The following PPL variants were observed in gnomAD, a reference collection of about 807,000 sequenced individuals.
The protein encoded by PPL is periplakin.
PPL carries 198 observed loss-of-function variants against 194.4 expected under a neutral mutation model. That is an observed-to-expected ratio of 1.02 (90% CI 0.91 to 1.15). The LOEUF is 1.15. Ranked by LOEUF, PPL falls within the 50% of genes most tolerant of loss-of-function variation. The probability of loss-of-function intolerance (pLI) is 0.00; values close to 1 mark genes in which losing one functional copy is unlikely to be tolerated. For synonymous variants in PPL, 1,220 were observed against 972.4 expected, an observed-to-expected ratio of 1.25 and a Z score of -4.74; for missense variants, 2,885 against 2,294.8, an observed-to-expected ratio of 1.26 and a Z score of -5.25.
chr16:4,905,698 T>C (rs1200849109), intron 2 of PPL, among the ~76,000 whole-genome samples: 1 of 152,238 alleles, frequency 6.6e-6, no homozygotes, highest in African/African-American at 2.4e-5. Flanking sequence ...ACTTGGCTTC[T>C]TCTTGGAGGA....
intron 1 of PPL, among the ~76,000 whole-genome samples, chr16:4,920,217 G>A (rs1161395440): frequency 6.6e-6 from 1 of 151,394 alleles, no homozygotes; most frequent in Non-Finnish European, 1.5e-5. Context: ...CTGGGAGGTG[G>A]AGGTTGCAGT....
At chr16:4,909,032 T>C (rs1038138968) in intron 2 of PPL, among the ~76,000 whole-genome samples, 2 of 152,002 alleles carry the variant, frequency 1.3e-5, no homozygotes, top group Non-Finnish European at 2.9e-5. Context: ...CAAGGGGAGC[T>C]GATGGGAGGG....
In PPL at chr16:4,884,471, C is replaced by T. The variant is rs137891956; in HGVS notation, c.4184G>A (p.Arg1395Gln). 131 of 1,602,816 alleles carry T rather than the reference C, an allele frequency of 8.2e-5. No homozygotes were observed. Among genetic ancestry groups the T allele is most frequent in the African/African-American group, 1.1e-4 (8 of 74,504 alleles). Residue 1395 changes from arginine (R) to glutamine (Q), a missense_variant, in exon 22 of 22, where the codon CGG becomes CAG. Physicochemically the swap from Arg to Gln is conservative, Grantham distance 43 (BLOSUM62 1). Transcript: ENST00000345988. This position sits in a 1 kb window ranked among gnomAD's most constrained non-coding sequence, Gnocchi z 5.7. ...CAGCTGCCGCTCAAGCTCGGTGCGC[C>T]GGCGCTGCAGCCGCCGCAGCTCTGC... The part of the protein sequence containing the change: ...LRAELRRLQR[R>Q]RTELERQLEE...
chr16:4,893,108 C>T (rs982077337), intron 14 of PPL, 105 bp downstream of exon 14: 1 of 1,344,120 alleles, frequency 7.4e-7, no homozygotes, highest in Non-Finnish European at 9.8e-7. Flanking sequence ...CAGACAGCTG[C>T]AGTGAATATC....
intron 1 of PPL, among the ~76,000 whole-genome samples, chr16:4,918,233 C>T (rs1019461087): frequency 2.0e-5 from 3 of 149,316 alleles, no homozygotes; most frequent in Admixed American, 1.3e-4. Flanking sequence ...GTGGAGGTTG[C>T]AGTGAGCCGA....
intron 1 of PPL, among the ~76,000 whole-genome samples, chr16:4,928,404 C>G (rs1010110296): frequency 6.6e-6 from 1 of 152,226 alleles, no homozygotes; most frequent in Admixed American, 6.5e-5. Context: ...TTTGAGAGGG[C>G]TGGCAGGGTG....
chr16:4,883,463 G>C lies in PPL; in HGVS notation c.5192C>G (p.Thr1731Ser). 1.9e-6 allele frequency: 3 copies of C among 1,614,152 alleles called. No homozygotes were observed. The highest frequency in any genetic ancestry group is 2.5e-6 in the Non-Finnish European group (3 of 1,180,030). The change falls in exon 22 of 22, where the codon ACC (threonine) becomes AGC (serine). Residue 1731 changes from threonine to serine, a missense_variant. Transcript: ENST00000345988. The surrounding 1 kb of genome is among the most constrained non-coding windows in gnomAD (Gnocchi z 4.8). ...GACATAGCGGTCATACTGAGCAGGG[G>C]TCAGCCTGCCACTCTGCAGGGCCTC... ...IEEALQSGRL[T>S]PAQYDRYVNK...
chr16:4,919,591 G>C (rs2088995317), intron 1 of PPL, among the ~76,000 whole-genome samples: 1 of 152,036 alleles, frequency 6.6e-6, no homozygotes, highest in African/African-American at 2.4e-5. Context: ...CTGAGTCTCA[G>C]TTTCATCATC....
At chr16:4,895,456 C>G (rs776860653) in intron 10 of PPL, 49 bp from the exon 11 acceptor site, 5 of 1,607,098 alleles carry the variant, frequency 3.1e-6, no homozygotes, top group South Asian at 1.1e-5. Context: ...AGCCTTCCCC[C>G]TGGTGGGAGG....
chr16:4,900,433 C>CTTTTTTTTTTTTT, intron 6 of PPL, among the ~76,000 whole-genome samples: 1 of 35,102 alleles, frequency 2.8e-5, no homozygotes, highest in African/African-American at 7.1e-5. Context: ...TTACTGCACG[C>CTTTTTTTTTTTTT]CTTTTTTTTT....
chr16:4,885,890 G>T lies in PPL; in HGVS notation c.2765C>A (p.Thr922Asn). Residue 922 changes from threonine (T) to asparagine (N), a missense_variant, in exon 22 of 22, where the codon ACC becomes AAC. Physicochemically the swap from Thr to Asn is moderately conservative, Grantham distance 65. Transcript: ENST00000345988. The surrounding 1 kb of genome is among the most constrained non-coding windows in gnomAD (Gnocchi z 6.3). ...EVKSTQEEIW[T>N]LRNQGPQESV... ...TTCCTGAGGCCCCTGATTCCTCAAG[G>T]TCCAGATTTCTTCCTGGGTGCTCTT... The T allele has an allele frequency of 6.2e-7, 1 of 1,610,266 alleles. No homozygotes were observed.
intron 1 of PPL, among the ~76,000 whole-genome samples, chr16:4,922,839 G>T (rs969436983): frequency 6.6e-6 from 1 of 152,150 alleles, no homozygotes; most frequent in Non-Finnish European, 1.5e-5. Flanking sequence ...ATGTTGCCTT[G>T]CCGGGGCACG....
At chr16:4,927,277 C>A (rs1193085139) in intron 1 of PPL, among the ~76,000 whole-genome samples, 3 of 152,162 alleles carry the variant, frequency 2.0e-5, no homozygotes, top group African/African-American at 7.2e-5. Context: ...GCAACTGATA[C>A]TGAAGAGAGA....
At position 4,884,226 on chromosome 16, in the gene PPL, C is replaced by T. The variant is rs1373667274; in HGVS notation, c.4429G>A (p.Glu1477Lys). ...CTCCGGAGGGTCTCGAGCTCCCCCT[C>T]CAGGAGCTGCCGCCGGTGCTGCTCT... is the stretch of plus-strand genomic sequence containing the variant. ...EEEQHRRQLL[E>K]GELETLRRKL... The change falls in exon 22 of 22, where the codon GAG becomes AAG. Residue 1477 changes from glutamate to lysine, a missense_variant. Transcript: ENST00000345988. The surrounding 1 kb of genome is among the most constrained non-coding windows in gnomAD (Gnocchi z 5.7). 3.1e-6 allele frequency: 5 copies of T among 1,613,834 alleles called. No individual in the cohort carries two copies. The highest frequency in any genetic ancestry group is 4.2e-6 in the Non-Finnish European group (5 of 1,179,956).
chr16:4,893,449 GC>G, intron 13 of PPL, 79 bp from the exon 14 acceptor site: 3 of 1,586,024 alleles, frequency 1.9e-6, no homozygotes, highest in East Asian at 2.3e-5. Context: ...TAGGCAGCCA[GC>G]CCCCCGCCGT....
intron 8 of PPL, among the ~76,000 whole-genome samples, chr16:4,898,282 G>A (rs980180013): frequency 1.3e-5 from 2 of 152,164 alleles, no homozygotes; most frequent in African/African-American, 2.4e-5. Flanking sequence ...GGAGGCTGAG[G>A]CAGGAGAATT....
rs779573628 is a variant in PPL, at chr16:4,885,639, G to C, written c.3016C>G (p.Gln1006Glu). Residue 1006 changes from glutamine to glutamate, a missense_variant, in exon 22 of 22, where the codon CAG (glutamine) becomes GAG (glutamate). Transcript: ENST00000345988. The surrounding 1 kb of genome is among the most constrained non-coding windows in gnomAD (Gnocchi z 6.3). The stretch of plus-strand genomic sequence containing the variant: ...CGCAGCTGCAAGACCTCATCCGCCT[G>C]GGCCCTGTCAGGCTCGATGCGCAGG... The part of the protein sequence containing the change: ...EVLRIEPDRA[Q>E]ADEVLQLREE... 1 of 1,612,556 alleles carries C rather than the reference G, an allele frequency of 6.2e-7. No individual in the cohort carries two copies. Among genetic ancestry groups the C allele is most frequent in the Non-Finnish European group, 8.5e-7 (1 of 1,179,600 alleles).
intron 1 of PPL, among the ~76,000 whole-genome samples, chr16:4,913,685 G>A (rs2088863108): frequency 6.6e-6 from 1 of 152,166 alleles, no homozygotes; most frequent in Admixed American, 6.5e-5. Flanking sequence ...TTACAGGTGT[G>A]AGCCACCATG....
At chr16:4,911,719 G>A (rs1447521003) in intron 1 of PPL, among the ~76,000 whole-genome samples, 5 of 151,578 alleles carry the variant, frequency 3.3e-5, no homozygotes, top group African/African-American at 9.7e-5. Context: ...ATTTCTTTTG[G>A]TAGAGAAGGG....
Sources: gnomAD v4.1 joint callset for allele counts (sites outside exome capture counted in the v4.1 genomes callset) on GRCh38, gnomAD v4.1.1 for gene constraint, Gnocchi (gnomAD v3.1) non-coding constraint, MANE v1.5 for transcripts, NCBI Gene and HGNC (gene_info 2026-07-23, HGNC 2026-07-21) for gene names.